Variants in TMEM132B observed in about 807,000 individuals in gnomAD.
TMEM132B encodes the protein transmembrane protein 132B.
Under a neutral mutation model 90.8 loss-of-function variants are expected in TMEM132B, and 18 were observed. That is an observed-to-expected ratio of 0.20 (90% CI 0.14 to 0.29). The LOEUF (loss-of-function observed/expected upper bound fraction) is 0.29. Ranked by LOEUF, TMEM132B falls within the 10% of genes least tolerant of loss-of-function variation. The pLI, the probability that TMEM132B is intolerant of heterozygous loss-of-function variation, is 1.00. For missense variants in TMEM132B, 1,096 were observed against 1,326.8 expected (o/e 0.83, Z 2.70); for synonymous variants, 504 against 523.3 (o/e 0.96, Z 0.50).
chr12:125,612,229 A>G (rs1159355958), intron 5 of TMEM132B, among the ~76,000 whole-genome samples: 2 of 152,208 alleles, frequency 1.3e-5, no homozygotes, highest in African/African-American at 2.4e-5. Context: ...TAATCCCAGC[A>G]CTTTGGGAGG....
intron 2 of TMEM132B, among the ~76,000 whole-genome samples, chr12:125,355,274 A>C (rs2136240802): frequency 6.6e-6 from 1 of 152,294 alleles, no homozygotes; most frequent in Non-Finnish European, 1.5e-5. Context: ...GGTCACCAGC[A>C]CTTGCATTAG....
chr12:125,411,740 C>G (rs955246082), intron 2 of TMEM132B, among the ~76,000 whole-genome samples: 1 of 152,170 alleles, frequency 6.6e-6, no homozygotes, highest in East Asian at 1.9e-4. Flanking sequence ...GTCATGGGGC[C>G]GATCATCCCA....
rs745371230 is a variant in TMEM132B at position 125,653,948 on chromosome 12, G to A, written c.2490G>A (p.Glu830=). Residue 830 remains glutamate (E), a synonymous_variant, in exon 9 of 9, where the codon GAG becomes GAA. Transcript: ENST00000682704. ...SNSIEREGNQ[E]RAVQEWFHRG... is the part of the protein sequence containing the mutation. ...CCATAGAGCGCGAAGGAAACCAGGA[G>A]AGAGCAGTCCAGGAATGGTTCCACC... is the stretch of plus-strand genomic sequence containing the variant. 6.2e-7 allele frequency: 1 copy of A among 1,614,204 alleles called. No homozygotes were observed. The highest frequency in any genetic ancestry group is 2.2e-5 in the East Asian group (1 of 44,874).
intron 4 of TMEM132B, among the ~76,000 whole-genome samples, chr12:125,546,673 AATTT>A (rs1884101927): frequency 6.6e-6 from 1 of 152,188 alleles, no homozygotes; most frequent in Non-Finnish European, 1.5e-5. Context: ...TGGATATATG[AATTT>A]ATTCACTAGT....
intron 4 of TMEM132B, among the ~76,000 whole-genome samples, chr12:125,542,363 G>A (rs556158153): frequency 2.6e-5 from 4 of 152,112 alleles, no homozygotes; most frequent in Admixed American, 6.5e-5. Context: ...ACTTACTATC[G>A]TCACCATTTT....
intron 3 of TMEM132B, among the ~76,000 whole-genome samples, chr12:125,440,914 C>T (rs6489003): frequency 0.55 from 83,511 of 152,078 alleles, 24,448 homozygotes; most frequent in African/African-American, 0.77. Context: ...TATGCTCTCT[C>T]GTTTCCCACA....
intron 3 of TMEM132B, among the ~76,000 whole-genome samples, chr12:125,425,815 G>A (rs1880301703): frequency 6.6e-6 from 1 of 152,120 alleles, no homozygotes; most frequent in Non-Finnish European, 1.5e-5. Context: ...ACATTCCATT[G>A]CCTGGATGGA....
chr12:125,535,213 C>T (rs756698121), intron 4 of TMEM132B, among the ~76,000 whole-genome samples: 3 of 152,136 alleles, frequency 2.0e-5, no homozygotes, highest in East Asian at 1.9e-4. Context: ...CATCAGTTAC[C>T]GCCATTGTTC....
Position 125,658,722 on chromosome 12 carries a change from A to G in TMEM132B, c.*4012A>G, listed in dbSNP as rs911228093. On this transcript the variant is annotated 3_prime_UTR_variant, in exon 9 of 9. Transcript: ENST00000682704. Reference sequence around the variant, plus strand: ...CGAGTTTTTTAAAGTGAAAGCATGCAAAATCGTAGCTTTTAAATGTACAGA... The same window carrying G: ...CGAGTTTTTTAAAGTGAAAGCATGCGAAATCGTAGCTTTTAAATGTACAGA... 1 of 152,248 alleles carries G rather than the reference A, an allele frequency of 6.6e-6. No homozygotes were observed. The highest frequency in any genetic ancestry group is 2.4e-5 in the African/African-American group (1 of 41,466). The allele number at this position is 152,248 out of a possible 1,614,324, so 9.4% of individuals were successfully genotyped here. A position where few individuals can be genotyped will look rare whatever the true frequency, so the allele number is the denominator to read the frequency against.
At chr12:125,305,132 AC>A (rs1437222507) in intron 1 of TMEM132B, among the ~76,000 whole-genome samples, 1 of 152,064 alleles carries the variant, frequency 6.6e-6, no homozygotes, top group Non-Finnish European at 1.5e-5. Context: ...CTGAAGCCTT[AC>A]AAATATCAGT....
intron 2 of TMEM132B, among the ~76,000 whole-genome samples, chr12:125,411,934 C>T (rs1293431956): frequency 1.3e-5 from 2 of 152,154 alleles, no homozygotes; most frequent in African/African-American, 4.8e-5. Flanking sequence ...CAACTTGTCT[C>T]AAGTCCTGCC....
intron 1 of TMEM132B, among the ~76,000 whole-genome samples, chr12:125,253,245 G>A (rs769758287): frequency 6.6e-6 from 1 of 152,096 alleles, no homozygotes; most frequent in Non-Finnish European, 1.5e-5. Flanking sequence ...GAGTGTTGCC[G>A]TTGGTTCATA....
rs575616929 is a variant in TMEM132B, at chr12:125,305,750, A to G, written c.68-43702A>G. On this transcript the variant is annotated intron_variant, in intron 1 of 8. Transcript: ENST00000682704. ...GTTTTGTTGGAGATCTCTAAGTTTA[A>G]AAGACAAGGAAATCTTGATTTAGGG... Among the ~76,000 whole-genome samples, 5 of 152,152 alleles carry G rather than the reference A, an allele frequency of 3.3e-5. 1 individual carries two copies. Among genetic ancestry groups the G allele is most frequent in the Admixed American group, 3.3e-4 (5 of 15,282 alleles).
rs563282933 is a variant in TMEM132B, at chr12:125,198,157, T to C, written c.67+11291T>C. ...GTTTAATCTGTGACACCCAGGCTTATGATATTTTAAGTTTCCAATGTGATG... is the reference window on the plus strand; with the variant it reads ...GTTTAATCTGTGACACCCAGGCTTACGATATTTTAAGTTTCCAATGTGATG... On this transcript the variant is annotated intron_variant, in intron 1 of 8. Coordinates refer to ENST00000682704, the MANE Select transcript of TMEM132B (RefSeq NM_001366854.1). Among the ~76,000 whole-genome samples the C allele has an allele frequency of 2.6e-5, 4 of 152,346 alleles. No individual in the cohort carries two copies. The East Asian group carries it at 7.7e-4, about 29-fold the overall frequency.
chr12:125,437,646 G>C (rs1880743782), intron 3 of TMEM132B, among the ~76,000 whole-genome samples: 1 of 152,168 alleles, frequency 6.6e-6, no homozygotes, highest in Admixed American at 6.5e-5. Context: ...CCAAGAAAAG[G>C]AATGAAGCAG....
chr12:125,223,987 G>C (rs901369341), intron 1 of TMEM132B, among the ~76,000 whole-genome samples: 4 of 152,126 alleles, frequency 2.6e-5, no homozygotes, highest in Non-Finnish European at 5.9e-5. Flanking sequence ...ATGTTGGCCA[G>C]GCTGGTCTGG....
chr12:125,485,049 G>T (rs1053132597), intron 3 of TMEM132B, among the ~76,000 whole-genome samples: 1 of 152,116 alleles, frequency 6.6e-6, no homozygotes, highest in African/African-American at 2.4e-5. Flanking sequence ...CAGGATAATG[G>T]CTCTGAAACA....
At chr12:125,326,757 A>T in intron 1 of TMEM132B, 19 of 1,393,336 alleles carry the variant, frequency 1.4e-5, no homozygotes, top group Non-Finnish European at 1.8e-5. Context: ...TGTCCTATTC[A>T]GATTCTCCCT....
At chr12:125,530,860 A>G (rs1407376693) in intron 4 of TMEM132B, among the ~76,000 whole-genome samples, 1 of 152,198 alleles carries the variant, frequency 6.6e-6, no homozygotes, top group Admixed American at 6.5e-5. Flanking sequence ...CTATTTCCAA[A>G]TGAGGTCACA....
Sources: gnomAD v4.1 joint callset for allele counts (sites outside exome capture counted in the v4.1 genomes callset) on GRCh38, gnomAD v4.1.1 for gene constraint, MANE v1.5 for transcripts, NCBI Gene and HGNC (gene_info 2026-07-23, HGNC 2026-07-21) for gene names.